Variants in IL1RAP observed in about 807,000 individuals in gnomAD.
The protein encoded by IL1RAP is interleukin 1 receptor accessory protein.
IL1RAP carries 35 observed loss-of-function variants against 60.7 expected under a neutral mutation model. That is an observed-to-expected ratio of 0.58 (90% CI 0.44 to 0.76). The LOEUF (loss-of-function observed/expected upper bound fraction) is 0.76. Among genes scored for constraint, IL1RAP ranks in the 30% least tolerant of loss-of-function variants. IL1RAP has a pLI of 0.00. For missense variants in IL1RAP, 572 were observed against 693.9 expected (o/e 0.82, Z 1.97); for synonymous variants, 268 against 250.9 (o/e 1.07, Z -0.64).
Position 190,560,788 on chromosome 3 carries a change from T to G in IL1RAP, c.-1-3501T>G, listed in dbSNP as rs908440834. On this transcript the variant is annotated intron_variant, in intron 2 of 11. Transcript: ENST00000447382. ...CTAGAGAATGCAGACGATAAAAAGT[T>G]TCATATGCGGAAGTAGATGTTAAGG... is the stretch of plus-strand genomic sequence containing the variant. Among the ~76,000 whole-genome samples, 3 of 152,148 alleles carry G rather than the reference T, an allele frequency of 2.0e-5. No individual in the cohort carries two copies. In the East Asian group the frequency reaches 5.8e-4, roughly 29 times the overall value.
chr3:190,574,025 T>G (rs754972113), intron 3 of IL1RAP, among the ~76,000 whole-genome samples: 5 of 152,152 alleles, frequency 3.3e-5, no homozygotes, highest in Non-Finnish European at 4.4e-5. Flanking sequence ...AGTGGTAAAA[T>G]TTGTATTGCT....
intron 3 of IL1RAP, among the ~76,000 whole-genome samples, chr3:190,574,992 A>AG (rs1273323889): frequency 7.3e-6 from 1 of 137,702 alleles, no homozygotes; most frequent in Non-Finnish European, 1.5e-5. Flanking sequence ...TAGGGAAATG[A>AG]GTTTTTTTTT....
intron 1 of IL1RAP, among the ~76,000 whole-genome samples, chr3:190,516,907 G>A (rs920586638): frequency 6.6e-6 from 1 of 152,172 alleles, no homozygotes; most frequent in African/African-American, 2.4e-5. Flanking sequence ...GAGGTCATGT[G>A]TTAGTATGTT....
intron 1 of IL1RAP, among the ~76,000 whole-genome samples, chr3:190,555,103 A>C (rs1345552045): frequency 6.6e-6 from 1 of 152,174 alleles, no homozygotes; most frequent in African/African-American, 2.4e-5. Flanking sequence ...AGTGAAATTT[A>C]AGGGGAGAAA....
chr3:190,546,975 T>A (rs942278835), intron 1 of IL1RAP, among the ~76,000 whole-genome samples: 1 of 152,220 alleles, frequency 6.6e-6, no homozygotes, highest in Non-Finnish European at 1.5e-5. Flanking sequence ...ATGTTTTTAG[T>A]ATACGTTCTG....
intron 3 of IL1RAP, among the ~76,000 whole-genome samples, chr3:190,579,015 T>C (rs1427576234): frequency 6.6e-6 from 1 of 152,204 alleles, no homozygotes; most frequent in African/African-American, 2.4e-5. Context: ...ATCAGATACT[T>C]AGCCCTAAAC....
chr3:190,591,212 C>T (rs898914502), intron 3 of IL1RAP, among the ~76,000 whole-genome samples: 14 of 152,294 alleles, frequency 9.2e-5, no homozygotes, highest in African/African-American at 2.9e-4. Flanking sequence ...ACCAGCTCTC[C>T]GCTAAACACA....
At chr3:190,572,881 T>TTTTTTTTTA (rs1727083010) in intron 3 of IL1RAP, among the ~76,000 whole-genome samples, 3 of 76,126 alleles carry the variant, frequency 3.9e-5, no homozygotes, top group Non-Finnish European at 5.5e-5. Context: ...TTTTTTTTTT[T>TTTTTTTTTA]GAGACGGAGT....
chr3:190,555,749 T>TC (rs1419181157), intron 1 of IL1RAP: 5 of 152,230 alleles, frequency 3.3e-5, no homozygotes, highest in African/African-American at 1.2e-4. Flanking sequence ...TTTCTCTCCC[T>TC]CTTCCTCCAG....
At chr3:190,555,974 ATCT>A (rs1286438980) in intron 1 of IL1RAP, 153 bp from the exon 2 acceptor site, 2 of 149,530 alleles carry the variant, frequency 1.3e-5, no homozygotes, top group African/African-American at 4.9e-5. Flanking sequence ...CTATCTATCT[ATCT>A]TCTATAGTTA....
Position 190,604,202 on chromosome 3 carries a change from T to C in IL1RAP, c.139T>C (p.Cys47Arg). 6.2e-7 allele frequency: 1 copy of C among 1,614,104 alleles called. No individual in the cohort carries two copies. ...TGAAGATGAGCCAGCTCGCATCAAGTGCCCACTCTTTGAACACTTCTTGAA... is the reference window on the plus strand; with the variant it reads ...TGAAGATGAGCCAGCTCGCATCAAGCGCCCACTCTTTGAACACTTCTTGAA... Reference protein sequence around the residue: ...VFEDEPARIKCPLFEHFLKFN... With the variant: ...VFEDEPARIKRPLFEHFLKFN... Residue 47 changes from cysteine to arginine, a missense_variant, in exon 4 of 12, where the codon TGC (cysteine) becomes CGC (arginine). Cys to Arg is a radical substitution (Grantham distance 180, BLOSUM62 -3). Transcript: ENST00000447382.
chr3:190,602,626 T>C (rs908024569), intron 3 of IL1RAP, among the ~76,000 whole-genome samples: 2 of 152,198 alleles, frequency 1.3e-5, no homozygotes, highest in Non-Finnish European at 2.9e-5. Flanking sequence ...GAAAGCTTTT[T>C]TACATGTTTT....
At chr3:190,642,068 A>AG (rs1733698820) in intron 9 of IL1RAP, 1 of 152,236 alleles carries the variant, frequency 6.6e-6, no homozygotes, top group Non-Finnish European at 1.5e-5. Context: ...TCAAAACTCT[A>AG]TGATTCACCC....
At chr3:190,558,172 T>C (rs1322805397) in intron 2 of IL1RAP, among the ~76,000 whole-genome samples, 1 of 152,214 alleles carries the variant, frequency 6.6e-6, no homozygotes, top group African/African-American at 2.4e-5. Context: ...ACAGAATTTG[T>C]TGATCCATTC....
At chr3:190,616,602 C>G (rs1049345235) in intron 5 of IL1RAP, among the ~76,000 whole-genome samples, 1 of 152,182 alleles carries the variant, frequency 6.6e-6, no homozygotes, top group Non-Finnish European at 1.5e-5. Flanking sequence ...CCAACTTTAT[C>G]TTGAATGCAA....
chr3:190,596,367 G>A (rs566786205), intron 3 of IL1RAP, among the ~76,000 whole-genome samples: 1 of 150,488 alleles, frequency 6.6e-6, no homozygotes, highest in Admixed American at 6.6e-5. Context: ...TTTTTTTTGT[G>A]CTACCACTCA....
At chr3:190,539,835 T>A (rs2059020) in intron 1 of IL1RAP, among the ~76,000 whole-genome samples, 123,200 of 151,908 alleles carry the variant, frequency 0.81, 50,133 homozygotes, top group Non-Finnish European at 0.83. Flanking sequence ...TATTTCTGTT[T>A]TTAAAGCAGA....
downstream of IL1RAP, chr3:190,655,760 T>A: frequency 8.1e-6 from 5 of 615,178 alleles, no homozygotes; most frequent in South Asian, 2.8e-5. Flanking sequence ...CTGGGTAAAT[T>A]ATTCAGCACT....
intron 7 of IL1RAP, among the ~76,000 whole-genome samples, chr3:190,624,366 T>C (rs577969962): frequency 6.6e-6 from 1 of 152,332 alleles, no homozygotes; most frequent in African/African-American, 2.4e-5. Flanking sequence ...ATATTATTTG[T>C]TTAAGAATCG....
Sources: allele counts gnomAD v4.1 joint callset (sites outside exome capture counted in the v4.1 genomes callset), GRCh38; gene constraint gnomAD v4.1.1; transcripts MANE v1.5; gene names NCBI Gene and HGNC (gene_info 2026-07-23, HGNC 2026-07-21).